Variants in RABGAP1L observed in about 807,000 individuals in gnomAD.
RABGAP1L encodes RAB GTPase activating protein 1 like.
A neutral mutation model predicts 137.7 loss-of-function variants in RABGAP1L; 63 were observed. The observed-to-expected ratio is 0.46, with a 90% confidence interval of 0.37 to 0.56. The LOEUF (loss-of-function observed/expected upper bound fraction) is 0.56, where lower values mean the gene tolerates loss of function less well. Among genes scored for constraint, RABGAP1L ranks in the 20% least tolerant of loss-of-function variants. The pLI, the probability that RABGAP1L is intolerant of heterozygous loss-of-function variation, is 0.00. For synonymous variants in RABGAP1L, 431 were observed against 433.7 expected (o/e 0.99, Z 0.08); for missense variants, 1,095 against 1,244.0 (o/e 0.88, Z 1.80).
intron 12 of RABGAP1L, among the ~76,000 whole-genome samples, chr1:174,378,814 G>T (rs200199160): frequency 0.14 from 14,456 of 101,970 alleles, 1,041 homozygotes; most frequent in South Asian, 0.19. Context: ...GTCAATTTTG[G>T]CTTTTGTTGC....
At chr1:174,240,220 G>A (rs1295164090) in intron 4 of RABGAP1L, among the ~76,000 whole-genome samples, 1 of 141,308 alleles carries the variant, frequency 7.1e-6, no homozygotes, top group Non-Finnish European at 1.6e-5. Context: ...CTTAGGATTT[G>A]TTTTGTTTTG....
chr1:174,269,804 T>C (rs1175070352), intron 7 of RABGAP1L, among the ~76,000 whole-genome samples: 2 of 152,176 alleles, frequency 1.3e-5, no homozygotes, highest in Admixed American at 6.5e-5. Context: ...GTTTACTTAT[T>C]TTCCCCCCCA....
chr1:174,566,344 TG>T (rs535956920), intron 13 of RABGAP1L, among the ~76,000 whole-genome samples: 12 of 152,174 alleles, frequency 7.9e-5, no homozygotes, highest in South Asian at 4.1e-4. Context: ...TCTTTTAATT[TG>T]GGGAGCTTGT....
chr1:174,378,453 T>C (rs1393296141), intron 12 of RABGAP1L, among the ~76,000 whole-genome samples: 2 of 151,080 alleles, frequency 1.3e-5, no homozygotes, highest in Non-Finnish European at 3.0e-5. Flanking sequence ...ACCTGTTGTT[T>C]CCTGACTTTT....
intron 14 of RABGAP1L, among the ~76,000 whole-genome samples, 168 bp from the exon 15 acceptor site, chr1:174,683,354 C>G (rs562788715): frequency 1.4e-4 from 22 of 152,050 alleles, no homozygotes; most frequent in Non-Finnish European, 3.1e-4. Context: ...TACACAGCCT[C>G]TTTGGGGATC....
chr1:174,696,106 C>G (rs1679237797), intron 15 of RABGAP1L, among the ~76,000 whole-genome samples: 1 of 151,998 alleles, frequency 6.6e-6, no homozygotes, highest in Non-Finnish European at 1.5e-5. Flanking sequence ...CTGGCTGCTG[C>G]TGGTGTTTAT....
At position 174,241,480 on chromosome 1, in the gene RABGAP1L, C is replaced by T; in HGVS notation, c.543-3C>T. 6.6e-7 allele frequency: 1 copy of T among 1,524,166 alleles called. No individual in the cohort carries two copies. The highest frequency in any genetic ancestry group is 2.3e-5 in the East Asian group (1 of 42,956). The allele number at this position is 1,524,166 out of a possible 1,614,324, so 94.4% of individuals were successfully genotyped here. ...TATCTAACTTTTCATTACTGTTCTA[C>T]AGAATTATAGACCAATCCAGCAATG... On this transcript the variant is annotated splice_polypyrimidine_tract_variant and splice_region_variant and intron_variant, in intron 4 of 25. Transcript: ENST00000681986.
Position 174,423,342 on chromosome 1 carries a change from G to A in RABGAP1L, c.1710+29197G>A, listed in dbSNP as rs1388182277. 2.6e-5 allele frequency among the ~76,000 whole-genome samples: 4 copies of A among 152,176 alleles called. No homozygotes were observed. The East Asian group carries it at 5.8e-4, about 22-fold the overall frequency. The stretch of plus-strand genomic sequence containing the variant: ...GTGTCTTTAGACTGCATCTGATGTC[G>A]TAGGAAGCACTCAACACTTTATTGA... On this transcript the variant is annotated intron_variant, in intron 13 of 25. Coordinates refer to ENST00000681986, the MANE Select transcript of RABGAP1L (RefSeq NM_001366446.1).
chr1:174,273,030 T>G (rs955567155), intron 8 of RABGAP1L, among the ~76,000 whole-genome samples: 1 of 152,076 alleles, frequency 6.6e-6, no homozygotes, highest in Admixed American at 6.6e-5. Flanking sequence ...ATTTTAACTT[T>G]CAAATAGAAA....
At chr1:174,531,453 A>G (rs1401578591) in intron 13 of RABGAP1L, among the ~76,000 whole-genome samples, 1 of 152,228 alleles carries the variant, frequency 6.6e-6, no homozygotes, top group African/African-American at 2.4e-5. Flanking sequence ...TAGGAAAAAT[A>G]TAGGGCAGAA....
At chr1:174,750,840 G>C (rs1684285941) in intron 17 of RABGAP1L, among the ~76,000 whole-genome samples, 1 of 152,180 alleles carries the variant, frequency 6.6e-6, no homozygotes. Context: ...TGGTTGTGAT[G>C]TGGTGGTGGA....
intron 13 of RABGAP1L, among the ~76,000 whole-genome samples, chr1:174,492,248 T>C (rs77684114): frequency 0.078 from 11,626 of 149,632 alleles, 638 homozygotes; most frequent in East Asian, 0.32. Flanking sequence ...TGGCATAACC[T>C]TGGCTCACTG....
intron 13 of RABGAP1L, among the ~76,000 whole-genome samples, chr1:174,629,251 A>G (rs1327253235): frequency 6.6e-6 from 1 of 152,210 alleles, no homozygotes; most frequent in Non-Finnish European, 1.5e-5. Flanking sequence ...GTGGGTTGAC[A>G]TTAGCTTTTG....
intron 1 of RABGAP1L, among the ~76,000 whole-genome samples, chr1:174,186,272 A>G (rs1415284516): frequency 2.0e-5 from 3 of 152,194 alleles, no homozygotes; most frequent in African/African-American, 7.2e-5. Flanking sequence ...TGTTTACCAA[A>G]TAGAATATTG....
chr1:174,785,318 C>T (rs1428684441), intron 18 of RABGAP1L, among the ~76,000 whole-genome samples: 1 of 152,224 alleles, frequency 6.6e-6, no homozygotes, highest in African/African-American at 2.4e-5. Flanking sequence ...CCCATTTCAG[C>T]CTCCCAAAGT....
At chr1:174,632,886 C>G (rs1236552185) in intron 13 of RABGAP1L, among the ~76,000 whole-genome samples, 1 of 151,700 alleles carries the variant, frequency 6.6e-6, no homozygotes, top group Non-Finnish European at 1.5e-5. Flanking sequence ...GCCTTCTTCT[C>G]TCAGCTCGTC....
At chr1:174,639,618 C>T (rs1403563467) in intron 14 of RABGAP1L, among the ~76,000 whole-genome samples, 1 of 151,988 alleles carries the variant, frequency 6.6e-6, no homozygotes, top group African/African-American at 2.4e-5. Flanking sequence ...CTGATTGATA[C>T]TAGATACTTT....
chr1:174,762,616 T>C (rs1254798524), intron 18 of RABGAP1L, among the ~76,000 whole-genome samples: 2 of 152,194 alleles, frequency 1.3e-5, no homozygotes, highest in East Asian at 1.9e-4. Flanking sequence ...TTAATCTCTA[T>C]GTGGGGTCTG....
chr1:174,863,233 C>CAAAAAAAAAAA (rs71117585), intron 19 of RABGAP1L, among the ~76,000 whole-genome samples: 35 of 82,626 alleles, frequency 4.2e-4, no homozygotes, highest in Non-Finnish European at 5.9e-4. Context: ...TTGTTTGTAG[C>CAAAAAAAAAAA]AAAAAAAAAA....
Sources: gnomAD v4.1 joint callset for allele counts (sites outside exome capture counted in the v4.1 genomes callset) on GRCh38, gnomAD v4.1.1 for gene constraint, MANE v1.5 for transcripts, NCBI Gene and HGNC (gene_info 2026-07-23, HGNC 2026-07-21) for gene names.